Variants in CNTNAP3B observed in about 807,000 individuals in gnomAD.
CNTNAP3B encodes the protein contactin-associated protein-like 3B.
In CNTNAP3B, 25 loss-of-function variants were observed where a neutral mutation model predicts 108.9. The ratio of observed to expected loss-of-function variants is 0.23; its 90% CI spans 0.17 to 0.32. CNTNAP3B has a LOEUF of 0.32. Among genes scored for constraint, CNTNAP3B ranks in the 10% least tolerant of loss-of-function variants. The pLI is 1.00. For missense variants in CNTNAP3B, 252 were observed against 1,210.4 expected (o/e 0.21, Z 11.75); for synonymous variants, 103 against 473.4 (o/e 0.22, Z 10.16).
Position 42,055,131 on chromosome 9 carries a change from T to C in CNTNAP3B, c.390+21738A>G, listed in dbSNP as rs1368505148. On this transcript the variant is annotated intron_variant, in intron 3 of 23. Transcript: ENST00000377561. ...TCACTACTTATTATTATTTTTTACA[T>C]TTATTTCAGTTTGTTTTTAATTGAA... Among the ~76,000 whole-genome samples the C allele has an allele frequency of 4.3e-5, 6 of 139,146 alleles. 1 individual carries two copies. The East Asian group carries it at 1.3e-3, about 30-fold the overall frequency. The allele number at this position is 139,146 out of a possible 152,430, so 91.3% of individuals were successfully genotyped here.
At chr9:41,962,805 A>G (rs1384553275) in intron 11 of CNTNAP3B, among the ~76,000 whole-genome samples, 1 of 152,168 alleles carries the variant, frequency 6.6e-6, no homozygotes, top group Non-Finnish European at 1.5e-5. Flanking sequence ...AATACAAAAA[A>G]TTAGCCAGGC....
intron 10 of CNTNAP3B, among the ~76,000 whole-genome samples, chr9:41,967,720 T>C (rs2118247908): frequency 6.6e-6 from 1 of 152,408 alleles, no homozygotes; most frequent in South Asian, 2.1e-4. Flanking sequence ...AGTTTTCTAA[T>C]TTTATTGCTT....
At position 42,127,254 on chromosome 9, in the gene CNTNAP3B, G is replaced by T. The variant is rs1310216548; in HGVS notation, c.85+1756C>A. On this transcript the variant is annotated intron_variant, in intron 1 of 23. Coordinates refer to ENST00000377561, the MANE Select transcript of CNTNAP3B (RefSeq NM_001201380.3). Reference sequence around the variant, plus strand: ...GGTGCTGAGTCCGTTTGGAATATCTGTCCCTGCCCTCCCCTCCTCCAAAAA... The same window carrying T: ...GGTGCTGAGTCCGTTTGGAATATCTTTCCCTGCCCTCCCCTCCTCCAAAAA... Among the ~76,000 whole-genome samples the T allele has an allele frequency of 1.4e-5, 2 of 138,782 alleles. 1 individual carries two copies. Among genetic ancestry groups the T allele is most frequent in the African/African-American group, 5.8e-5 (2 of 34,752 alleles). 91.0% of individuals were successfully genotyped at this position (138,782 alleles called of 152,430 possible).
At chr9:41,924,778 A>T (rs1372780474) in intron 15 of CNTNAP3B, among the ~76,000 whole-genome samples, 1,757 of 150,932 alleles carry the variant, frequency 0.012, no homozygotes, top group Middle Eastern at 0.052. Context: ...ACAGGACTGC[A>T]CATCACATGT....
intron 6 of CNTNAP3B, among the ~76,000 whole-genome samples, chr9:41,997,049 G>C (rs1825911780): frequency 8.4e-6 from 1 of 118,580 alleles, no homozygotes; most frequent in Non-Finnish European, 1.7e-5. Context: ...TATGGGCAAT[G>C]GGTTGCAAAA....
At chr9:41,927,405 GGAAAGAAA>G (rs1174462170) in intron 15 of CNTNAP3B, among the ~76,000 whole-genome samples, 2 of 145,198 alleles carry the variant, frequency 1.4e-5, no homozygotes, top group African/African-American at 5.1e-5. Flanking sequence ...AAAGAAGACA[GGAAAGAAA>G]GAAAGAAAAA....
At position 42,014,239 on chromosome 9, in the gene CNTNAP3B, T is replaced by A. The variant is rs1235744335; in HGVS notation, c.391-714A>T. ...AGGGGCTTTCACTCTTCACTCCATC[T>A]TGCTATCTGAACATTGGGAAGGATC... On this transcript the variant is annotated intron_variant, in intron 3 of 23. Transcript: ENST00000377561. Among the ~76,000 whole-genome samples the A allele has an allele frequency of 9.5e-5, 4 of 42,160 alleles. 2 individuals carry two copies. In the East Asian group the frequency reaches 6.8e-3, roughly 71 times the overall value. The allele number at this position is 42,160 out of a possible 152,430, so 27.7% of individuals were successfully genotyped here.
chr9:42,056,641 C>T lies in CNTNAP3B; in HGVS notation c.390+20228G>A, dbSNP rs1438823070. Among the ~76,000 whole-genome samples the T allele has an allele frequency of 1.2e-4, 17 of 138,348 alleles. 1 individual carries two copies. The South Asian group carries it at 1.4e-3, about 12-fold the overall frequency. The allele number at this position is 138,348 out of a possible 152,430, so 90.8% of individuals were successfully genotyped here. ...CTGGGATTACGGGTGTGAGCCACCG[C>T]GCCAAGCATTATCTCATAAATTTAT... On this transcript the variant is annotated intron_variant, in intron 3 of 23. Transcript: ENST00000377561.
At position 41,954,418 on chromosome 9, in the gene CNTNAP3B, G is replaced by C. The variant is rs554093075; in HGVS notation, c.1877-1032C>G. ...TACACACGCCTAACAACAGAGATCAGAGGAAAGAAGGAAAAGAAAACCAGC... is the reference window on the plus strand; with the variant it reads ...TACACACGCCTAACAACAGAGATCACAGGAAAGAAGGAAAAGAAAACCAGC... On this transcript the variant is annotated intron_variant, in intron 12 of 23. Coordinates refer to ENST00000377561, the MANE Select transcript of CNTNAP3B (RefSeq NM_001201380.3). 1.1e-3 allele frequency among the ~76,000 whole-genome samples: 170 copies of C among 152,368 alleles called. 1 individual carries two copies. Among genetic ancestry groups the C allele is most frequent in the African/African-American group, 3.9e-3 (162 of 41,572 alleles).
chr9:41,932,563 A>G (rs1824011381), intron 14 of CNTNAP3B, among the ~76,000 whole-genome samples: 1 of 149,470 alleles, frequency 6.7e-6, no homozygotes, highest in African/African-American at 2.5e-5. Flanking sequence ...CTTGTCGCCC[A>G]GGCTGGAGTG....
chr9:42,119,977 G>T (rs1244821821), intron 1 of CNTNAP3B, among the ~76,000 whole-genome samples: 1 of 143,192 alleles, frequency 7.0e-6, no homozygotes, highest in Non-Finnish European at 1.5e-5. Context: ...TGACAAATGG[G>T]ATCTAATTAA....
chr9:41,956,614 G>A (rs969781465), intron 12 of CNTNAP3B, among the ~76,000 whole-genome samples: 3 of 148,762 alleles, frequency 2.0e-5, no homozygotes, highest in African/African-American at 7.5e-5. Flanking sequence ...CTGTTGTCAG[G>A]AGCATACATA....
At chr9:42,128,135 TA>T (rs1828612058) in intron 1 of CNTNAP3B, among the ~76,000 whole-genome samples, 1 of 138,690 alleles carries the variant, frequency 7.2e-6, no homozygotes, top group South Asian at 2.3e-4. Context: ...GACTCTCTGA[TA>T]GAGATTTACT....
At chr9:41,944,441 C>A (rs1403976515) in intron 13 of CNTNAP3B, among the ~76,000 whole-genome samples, 2 of 152,120 alleles carry the variant, frequency 1.3e-5, no homozygotes, top group East Asian at 1.9e-4. Context: ...TATAAAGTAC[C>A]AGCACCATTA....
Position 41,894,311 on chromosome 9 carries a change from A to G in CNTNAP3B, c.3746-201T>C, listed in dbSNP as rs1215411466. The stretch of plus-strand genomic sequence containing the variant: ...TTTTCTTTTTACAATTATTCTTTGT[A>G]GAGATGGGGTGTTGCTATGTTGCCC... On this transcript the variant is annotated intron_variant, in intron 23 of 23. Coordinates refer to ENST00000377561, the MANE Select transcript of CNTNAP3B (RefSeq NM_001201380.3). 6.1e-5 allele frequency among the ~76,000 whole-genome samples: 7 copies of G among 114,250 alleles called. 1 individual carries two copies. The highest frequency in any genetic ancestry group is 3.0e-4 in the African/African-American group (7 of 23,578). 75.0% of individuals were successfully genotyped at this position (114,250 alleles called of 152,430 possible).
intron 13 of CNTNAP3B, among the ~76,000 whole-genome samples, chr9:41,941,586 G>A (rs1407677825): frequency 3.0e-3 from 373 of 123,232 alleles, no homozygotes; most frequent in Non-Finnish European, 4.7e-3. Context: ...GGAAGTCATC[G>A]CTCCCATTCT....
At chr9:42,049,243 C>T (rs1587230304) in intron 3 of CNTNAP3B, among the ~76,000 whole-genome samples, 1 of 137,824 alleles carries the variant, frequency 7.3e-6, no homozygotes, top group African/African-American at 2.9e-5. Context: ...CTTATTTAAA[C>T]TCTGTGTTGA....
chr9:41,969,918 A>C (rs1054122272), intron 10 of CNTNAP3B, among the ~76,000 whole-genome samples, 156 bp downstream of exon 10: 2 of 146,256 alleles, frequency 1.4e-5, no homozygotes, highest in East Asian at 4.1e-4. Context: ...GCCAAGATGA[A>C]GTTTTCTAAT....
intron 3 of CNTNAP3B, among the ~76,000 whole-genome samples, chr9:42,062,999 T>A (rs978451018): frequency 1.0e-5 from 1 of 100,352 alleles, no homozygotes; most frequent in Non-Finnish European, 2.1e-5. Context: ...TATTGCAGCT[T>A]TAACTATTTT....
Sources: gnomAD v4.1 joint callset for allele counts (sites outside exome capture counted in the v4.1 genomes callset) on GRCh38, gnomAD v4.1.1 for gene constraint, MANE v1.5 for transcripts, NCBI Gene and HGNC (gene_info 2026-07-23, HGNC 2026-07-21) for gene names.